EDIL3: variants seen among roughly 807,000 people sequenced by gnomAD.
The protein encoded by EDIL3 is EGF-like repeat and discoidin I-like domain-containing protein 3.
EDIL3 carries 37 observed loss-of-function variants against 67.4 expected under a neutral mutation model. The ratio of observed to expected loss-of-function variants is 0.55; its 90% CI spans 0.42 to 0.72. EDIL3 has a LOEUF of 0.72. Ranked by LOEUF, EDIL3 falls within the 30% of genes least tolerant of loss-of-function variation. The pLI, the probability that EDIL3 is intolerant of heterozygous loss-of-function variation, is 0.00. For synonymous variants in EDIL3, 195 were observed against 196.3 expected (o/e 0.99, Z 0.05); for missense variants, 527 against 586.3 (o/e 0.90, Z 1.04).
chr5:84,346,993 T>C (rs1253187025), intron 1 of EDIL3, among the ~76,000 whole-genome samples: 2 of 152,150 alleles, frequency 1.3e-5, no homozygotes, highest in African/African-American at 4.8e-5. Flanking sequence ...AGTTTAAATT[T>C]TTTTCTGCCT....
At chr5:84,262,911 T>C (rs1019738924) in intron 1 of EDIL3, among the ~76,000 whole-genome samples, 3 of 151,924 alleles carry the variant, frequency 2.0e-5, no homozygotes, top group African/African-American at 7.3e-5. Flanking sequence ...GCTCAGACAA[T>C]CTGCCTGCCT....
chr5:84,074,485 C>T lies in EDIL3; in HGVS notation c.652-7879G>A, dbSNP rs1746811796. ...GCTAATATCCAGAATCTACAATGAA[C>T]TCAAACAAATTTACAAGAAAAAAAC... On this transcript the variant is annotated intron_variant, in intron 6 of 10. Transcript: ENST00000296591. 2.0e-5 allele frequency among the ~76,000 whole-genome samples: 3 copies of T among 152,198 alleles called. No individual in the cohort carries two copies. The South Asian group carries it at 6.2e-4, about 32-fold the overall frequency.
At chr5:84,209,165 A>T (rs909254154) in intron 3 of EDIL3, among the ~76,000 whole-genome samples, 6 of 151,872 alleles carry the variant, frequency 4.0e-5, no homozygotes, top group Admixed American at 3.9e-4. Context: ...CATAGATGGG[A>T]ATTGAACAAT....
intron 9 of EDIL3, among the ~76,000 whole-genome samples, chr5:84,028,421 A>G (rs746487666): frequency 4.6e-5 from 7 of 152,172 alleles, no homozygotes; most frequent in Non-Finnish European, 1.0e-4. Flanking sequence ...AAAAGGCAAT[A>G]TGATTTAGAA....
At chr5:84,227,141 CAGAG>C (rs1744467066) in intron 3 of EDIL3, among the ~76,000 whole-genome samples, 1 of 151,728 alleles carries the variant, frequency 6.6e-6, no homozygotes, top group South Asian at 2.1e-4. Context: ...GATTGACACC[CAGAG>C]AGAAAGTCCA....
intron 1 of EDIL3, among the ~76,000 whole-genome samples, chr5:84,361,620 A>C (rs568271582): frequency 6.6e-6 from 1 of 151,514 alleles, no homozygotes; most frequent in African/African-American, 2.4e-5. Flanking sequence ...TACTGTACTT[A>C]TTTTAGTTTG....
chr5:84,203,774 T>G (rs966183218), intron 3 of EDIL3, among the ~76,000 whole-genome samples: 1 of 152,180 alleles, frequency 6.6e-6, no homozygotes, highest in Non-Finnish European at 1.5e-5. Flanking sequence ...TTTTAGAAAA[T>G]GTCAACATTC....
rs564962520 is a variant in EDIL3 at position 83,959,640 on chromosome 5, T to C, written c.1293+3565A>G. Among the ~76,000 whole-genome samples, 5 of 151,014 alleles carry C rather than the reference T, an allele frequency of 3.3e-5. No individual in the cohort carries two copies. In the East Asian group the frequency reaches 9.8e-4, roughly 30 times the overall value. Reference sequence around the variant, plus strand: ...CTTGTAAATATTGAAGACTTTTTTTTCCTCTTATGGAGAGTAATCATGGAA... The same window carrying C: ...CTTGTAAATATTGAAGACTTTTTTTCCCTCTTATGGAGAGTAATCATGGAA... On this transcript the variant is annotated intron_variant, in intron 10 of 10. Coordinates refer to ENST00000296591, the MANE Select transcript of EDIL3 (RefSeq NM_005711.5).
At chr5:84,030,637 A>G (rs918231012) in intron 9 of EDIL3, among the ~76,000 whole-genome samples, 8 of 152,208 alleles carry the variant, frequency 5.3e-5, no homozygotes, top group African/African-American at 1.9e-4. Flanking sequence ...TTATGCTGCA[A>G]TGCTATACAT....
rs1034012092 is a variant in EDIL3, at chr5:84,042,518, G to A, written c.1137+17782C>T. Among the ~76,000 whole-genome samples the A allele has an allele frequency of 5.3e-4, 81 of 152,250 alleles. 1 individual carries two copies. Among genetic ancestry groups the A allele is most frequent in the Non-Finnish European group, 7.4e-5 (5 of 68,026 alleles). On this transcript the variant is annotated intron_variant, in intron 9 of 10. Coordinates refer to ENST00000296591, the MANE Select transcript of EDIL3 (RefSeq NM_005711.5). ...GCTGGTCTTGAACTCCTGACTTCAG[G>A]TGATCTGCCTGCCTCGGCCTCTCAA...
At chr5:83,972,021 C>A (rs1229818572) in intron 9 of EDIL3, among the ~76,000 whole-genome samples, 1 of 152,096 alleles carries the variant, frequency 6.6e-6, no homozygotes, top group Non-Finnish European at 1.5e-5. Context: ...TGTATTATCA[C>A]AATGTTGTCA....
chr5:84,292,750 T>C (rs1745949052), intron 1 of EDIL3, among the ~76,000 whole-genome samples: 1 of 152,016 alleles, frequency 6.6e-6, no homozygotes, highest in South Asian at 2.1e-4. Context: ...AAGCCCAGAG[T>C]TATTGCTAAT....
rs974637082 is a variant in EDIL3 at position 84,180,319 on chromosome 5, C to G, written c.355+74G>C. ...GCTCTCAGATTCTATGATTCTACTA[C>G]AAACAAGAATGATGATGGCTTGTAT... On this transcript the variant is annotated intron_variant, in intron 4 of 10. Transcript: ENST00000296591. 2.1e-6 allele frequency: 3 copies of G among 1,454,818 alleles called. No individual in the cohort carries two copies. In the African/African-American group the frequency reaches 4.3e-5, roughly 21 times the overall value. 90.1% of individuals were successfully genotyped at this position (1,454,818 alleles called of 1,614,324 possible).
chr5:84,028,584 C>T (rs1052378913), intron 9 of EDIL3, among the ~76,000 whole-genome samples: 1 of 152,058 alleles, frequency 6.6e-6, no homozygotes, highest in South Asian at 2.1e-4. Flanking sequence ...CACAGACACA[C>T]ACACACGTGA....
At chr5:84,069,110 T>C (rs937561716) in intron 6 of EDIL3, among the ~76,000 whole-genome samples, 2 of 152,226 alleles carry the variant, frequency 1.3e-5, no homozygotes, top group African/African-American at 2.4e-5. Flanking sequence ...ATGCCTAAAT[T>C]ATTCTCTATG....
At chr5:84,198,975 A>G (rs925525646) in intron 3 of EDIL3, among the ~76,000 whole-genome samples, 2 of 152,068 alleles carry the variant, frequency 1.3e-5, no homozygotes, top group African/African-American at 4.8e-5. Flanking sequence ...CCTCCGTGTA[A>G]AGAACAAATT....
chr5:83,996,690 G>A (rs1745243827), intron 9 of EDIL3, among the ~76,000 whole-genome samples: 1 of 152,176 alleles, frequency 6.6e-6, no homozygotes, highest in Non-Finnish European at 1.5e-5. Flanking sequence ...TGAGTGCTAT[G>A]ATGTGGGGGA....
At chr5:83,985,155 C>T (rs1745038256) in intron 9 of EDIL3, among the ~76,000 whole-genome samples, 1 of 151,784 alleles carries the variant, frequency 6.6e-6, no homozygotes, top group Non-Finnish European at 1.5e-5. Context: ...GATTCTTTTT[C>T]ATGCTAATCG....
At chr5:84,303,424 TAAC>T (rs918474576) in intron 1 of EDIL3, among the ~76,000 whole-genome samples, 12 of 152,194 alleles carry the variant, frequency 7.9e-5, no homozygotes, top group Non-Finnish European at 1.5e-4. Flanking sequence ...ATAAACATGA[TAAC>T]AACTTTTGAA....
Sources: allele counts gnomAD v4.1 joint callset (sites outside exome capture counted in the v4.1 genomes callset), GRCh38; gene constraint gnomAD v4.1.1; transcripts MANE v1.5; gene names NCBI Gene and HGNC (gene_info 2026-07-23, HGNC 2026-07-21).